Variants in PTH2R observed in about 807,000 individuals in gnomAD.
PTH2R encodes the protein PTH2 receptor.
A neutral mutation model predicts 60.3 loss-of-function variants in PTH2R; 59 were observed. The ratio of observed to expected loss-of-function variants is 0.98; its 90% CI spans 0.79 to 1.22. The LOEUF (loss-of-function observed/expected upper bound fraction) is 1.22, where lower values mean the gene tolerates loss of function less well. Among genes scored for constraint, PTH2R ranks in the 50% most tolerant of loss-of-function variants. The pLI, the probability that PTH2R is intolerant of heterozygous loss-of-function variation, is 0.00. For missense variants in PTH2R, 749 were observed against 682.6 expected, an observed-to-expected ratio of 1.10 and a Z score of -1.08; for synonymous variants, 256 against 243.8, an observed-to-expected ratio of 1.05 and a Z score of -0.47.
intron 10 of PTH2R, among the ~76,000 whole-genome samples, chr2:208,485,925 GA>G (rs1703263645): frequency 6.6e-6 from 1 of 152,188 alleles, no homozygotes; most frequent in South Asian, 2.1e-4. Context: ...TGGCTTTGAG[GA>G]AGCAATCTGA....
intron 5 of PTH2R, among the ~76,000 whole-genome samples, chr2:208,443,010 G>GAACCAAA (rs1475606024): frequency 6.6e-6 from 1 of 152,092 alleles, no homozygotes; most frequent in African/African-American, 2.4e-5. Context: ...AAGTTTGGTT[G>GAACCAAA]TGTTCATACT....
chr2:208,404,173 G>A (rs929588217), upstream of PTH2R, among the ~76,000 whole-genome samples: 3 of 152,170 alleles, frequency 2.0e-5, no homozygotes, highest in Admixed American at 6.5e-5. Flanking sequence ...AGTTGGGGCT[G>A]TTAGTTGGCT....
intron 2 of PTH2R, among the ~76,000 whole-genome samples, chr2:208,429,671 T>C (rs774169201): frequency 6.6e-6 from 1 of 152,094 alleles, no homozygotes; most frequent in Non-Finnish European, 1.5e-5. Flanking sequence ...TTTTTCATTG[T>C]ACTGCTCAAT....
upstream of PTH2R, among the ~76,000 whole-genome samples, chr2:208,403,317 T>C (rs1701343673): frequency 6.6e-6 from 1 of 152,238 alleles, no homozygotes; most frequent in Non-Finnish European, 1.5e-5. Context: ...AGAAGTTAAA[T>C]GATTTTTTCA....
intron 9 of PTH2R, among the ~76,000 whole-genome samples, chr2:208,474,838 T>C (rs907241215): frequency 2.0e-5 from 3 of 152,228 alleles, no homozygotes; most frequent in Non-Finnish European, 4.4e-5. Context: ...GAGGTACTAT[T>C]CACCTTTAAG....
chr2:208,455,459 C>A (rs944402134), intron 8 of PTH2R, among the ~76,000 whole-genome samples: 4 of 152,158 alleles, frequency 2.6e-5, no homozygotes, highest in Non-Finnish European at 4.4e-5. Context: ...ATCATGTGAC[C>A]ACCTTGCAAA....
chr2:208,477,843 G>T (rs1010837128), intron 9 of PTH2R, among the ~76,000 whole-genome samples: 1 of 150,534 alleles, frequency 6.6e-6, no homozygotes, highest in African/African-American at 2.4e-5. Context: ...ACCTTTTAAT[G>T]ATTTTTTTCT....
At chr2:208,364,853 A>G in intron 1 of PTH2R, among the ~76,000 whole-genome samples, 1 of 148,348 alleles carries the variant, frequency 6.7e-6, no homozygotes, top group East Asian at 1.9e-4. Context: ...GTAATGTTTT[A>G]TAGTTTTCAT....
At chr2:208,409,178 G>A (rs956319726) in intron 1 of PTH2R, among the ~76,000 whole-genome samples, 4 of 152,062 alleles carry the variant, frequency 2.6e-5, no homozygotes, top group Non-Finnish European at 4.4e-5. Context: ...TACATTTGCC[G>A]AATTTTTGAC....
intron 1 of PTH2R, among the ~76,000 whole-genome samples, chr2:208,373,724 A>C (rs1371721087): frequency 6.6e-6 from 1 of 152,120 alleles, no homozygotes; most frequent in African/African-American, 2.4e-5. Context: ...GGAGCAGAGG[A>C]AACTCTGGAA....
At chr2:208,374,270 A>G (rs1427341085) in intron 1 of PTH2R, among the ~76,000 whole-genome samples, 5 of 151,996 alleles carry the variant, frequency 3.3e-5, no homozygotes, top group Admixed American at 6.6e-5. Context: ...TCTTTCTCCA[A>G]AAAGTACCCC....
At chr2:208,482,836 G>C (rs889920935) in intron 10 of PTH2R, among the ~76,000 whole-genome samples, 1 of 152,122 alleles carries the variant, frequency 6.6e-6, no homozygotes, top group South Asian at 2.1e-4. Flanking sequence ...CTCTCCACAA[G>C]GGTCGCTTTC....
At chr2:208,422,722 C>T (rs1297050423) in intron 1 of PTH2R, among the ~76,000 whole-genome samples, 7 of 152,052 alleles carry the variant, frequency 4.6e-5, no homozygotes, top group East Asian at 3.9e-4. Context: ...GAAGAACTAA[C>T]GAGAGTGAAC....
chr2:208,412,302 G>T (rs981564099), intron 1 of PTH2R, among the ~76,000 whole-genome samples: 1 of 152,220 alleles, frequency 6.6e-6, no homozygotes, highest in African/African-American at 2.4e-5. Flanking sequence ...CAGCTGTGCT[G>T]CATGACAGAT....
At chr2:208,477,958 C>G (rs776495744) in intron 9 of PTH2R, among the ~76,000 whole-genome samples, 21 of 25,148 alleles carry the variant, frequency 8.4e-4, no homozygotes, top group African/African-American at 1.1e-3. Context: ...ACTAGCACTA[C>G]TACTAGTACT....
At chr2:208,425,765 T>C (rs1302088094) in intron 1 of PTH2R, among the ~76,000 whole-genome samples, 1 of 152,318 alleles carries the variant, frequency 6.6e-6, no homozygotes, top group African/African-American at 2.4e-5. Context: ...GAGAGCAGGC[T>C]TCTCTTGAGA....
chr2:208,477,846 T>G (rs1021267443), intron 9 of PTH2R, among the ~76,000 whole-genome samples: 9 of 150,798 alleles, frequency 6.0e-5, no homozygotes, highest in African/African-American at 1.9e-4. Flanking sequence ...TTTTAATGAT[T>G]TTTTTCTTAG....
intron 11 of PTH2R, 131 bp from the exon 12 acceptor site, chr2:208,490,508 G>T (rs2105912824): frequency 1.3e-6 from 1 of 748,606 alleles, no homozygotes; most frequent in Non-Finnish European, 2.2e-6. Context: ...CACTAGGAGA[G>T]AATAATTTGT....
chr2:208,427,648 C>CT (rs1701884464), intron 1 of PTH2R, among the ~76,000 whole-genome samples: 1 of 152,054 alleles, frequency 6.6e-6, no homozygotes, highest in South Asian at 2.1e-4. Flanking sequence ...AACTGTGAAA[C>CT]AAATTAATGT....
Sources: gnomAD v4.1 joint callset for allele counts (sites outside exome capture counted in the v4.1 genomes callset) on GRCh38, gnomAD v4.1.1 for gene constraint, MANE v1.5 for transcripts, NCBI Gene and HGNC (gene_info 2026-07-23, HGNC 2026-07-21) for gene names.